SGCZ: variants seen among roughly 807,000 people sequenced by gnomAD.
SGCZ encodes the protein zeta-sarcoglycan.
In SGCZ, 40 loss-of-function variants were observed where a neutral mutation model predicts 41.3. The ratio of observed to expected loss-of-function variants is 0.97; its 90% CI spans 0.75 to 1.26. The LOEUF (loss-of-function observed/expected upper bound fraction) is 1.26, where lower values mean the gene tolerates loss of function less well. Among genes scored for constraint, SGCZ ranks in the 50% most tolerant of loss-of-function variants. The pLI is 0.00. For synonymous variants in SGCZ, 206 were observed against 137.5 expected, an observed-to-expected ratio of 1.50 and a Z score of -3.49; for missense variants, 552 against 369.8, an observed-to-expected ratio of 1.49 and a Z score of -4.04.
At chr8:15,177,977 C>A (rs1800050649) in intron 1 of SGCZ, among the ~76,000 whole-genome samples, 1 of 152,150 alleles carries the variant, frequency 6.6e-6, no homozygotes, top group Non-Finnish European at 1.5e-5. Context: ...AGAATAATTT[C>A]TATTTACCAC....
chr8:14,678,042 T>C (rs1040910074), intron 1 of SGCZ, among the ~76,000 whole-genome samples: 7 of 152,022 alleles, frequency 4.6e-5, no homozygotes, highest in African/African-American at 1.7e-4. Flanking sequence ...CAAAAATTAA[T>C]ACAAAATGGA....
chr8:14,658,419 C>A (rs778716519), intron 1 of SGCZ, among the ~76,000 whole-genome samples: 1 of 152,080 alleles, frequency 6.6e-6, no homozygotes, highest in Non-Finnish European at 1.5e-5. Context: ...GATCACTTTG[C>A]TCCGTGCTTT....
At chr8:14,835,915 T>C (rs1303859112) in intron 1 of SGCZ, among the ~76,000 whole-genome samples, 1 of 152,240 alleles carries the variant, frequency 6.6e-6, no homozygotes, top group Non-Finnish European at 1.5e-5. Context: ...TGAGTAATCA[T>C]CTATAAATTA....
At chr8:15,157,646 G>T (rs268416) in intron 1 of SGCZ, among the ~76,000 whole-genome samples, 91,741 of 151,798 alleles carry the variant, frequency 0.6, 28,978 homozygotes, top group East Asian at 0.79. Context: ...AAGTGAACAT[G>T]TCTTGTCTCT....
At position 15,085,771 on chromosome 8, in the gene SGCZ, C is replaced by G. The variant is rs531180500; in HGVS notation, c.39+151814G>C. ...CTACGCTAGATATGAATCCACCATT[C>G]TTCTGACAAGGGACTCCTGTCTACA... is the stretch of plus-strand genomic sequence containing the variant. On this transcript the variant is annotated intron_variant, in intron 1 of 7. Transcript: ENST00000382080. Among the ~76,000 whole-genome samples the G allele has an allele frequency of 2.6e-5, 4 of 152,122 alleles. No homozygotes were observed. In the East Asian group the frequency reaches 5.8e-4, roughly 22 times the overall value.
chr8:14,086,499 A>T lies in SGCZ; in HGVS notation c.*3944T>A, dbSNP rs1801526630. Among the ~76,000 whole-genome samples, 1 of 151,760 alleles carries T rather than the reference A, an allele frequency of 6.6e-6. No homozygotes were observed. The highest frequency in any genetic ancestry group is 6.6e-5 in the Admixed American group (1 of 15,190). On this transcript the variant is annotated 3_prime_UTR_variant, in exon 8 of 8. Transcript: ENST00000382080. ...AATGGAATAAAACAGTTCAGCAATTAACCTCTGTGATCACATTATCATTTC... is the reference window on the plus strand; with the variant it reads ...AATGGAATAAAACAGTTCAGCAATTTACCTCTGTGATCACATTATCATTTC...
chr8:15,117,665 A>T (rs1190419779), intron 1 of SGCZ, among the ~76,000 whole-genome samples: 1 of 152,208 alleles, frequency 6.6e-6, no homozygotes, highest in African/African-American at 2.4e-5. Context: ...AGCAACTTAT[A>T]TGCTACCAAA....
intron 2 of SGCZ, among the ~76,000 whole-genome samples, chr8:14,450,731 C>G (rs1800568614): frequency 6.6e-6 from 1 of 152,124 alleles, no homozygotes; most frequent in Non-Finnish European, 1.5e-5. Context: ...AAGCTCTCAT[C>G]TCTGTCATTA....
intron 1 of SGCZ, among the ~76,000 whole-genome samples, chr8:14,740,791 T>C (rs1799178196): frequency 6.6e-6 from 1 of 152,050 alleles, no homozygotes; most frequent in Non-Finnish European, 1.5e-5. Flanking sequence ...TTTCTCACCA[T>C]AATTTCTTTA....
At chr8:14,410,839 C>T (rs1259573277) in intron 2 of SGCZ, among the ~76,000 whole-genome samples, 1 of 152,102 alleles carries the variant, frequency 6.6e-6, no homozygotes, top group Non-Finnish European at 1.5e-5. Context: ...GCTTTCATTT[C>T]AACCACTCTT....
At chr8:15,031,902 CCTCTCT>C (rs751690018) in intron 1 of SGCZ, among the ~76,000 whole-genome samples, 106 of 130,838 alleles carry the variant, frequency 8.1e-4, no homozygotes, top group East Asian at 2.1e-3. Flanking sequence ...CCTCTATATT[CCTCTCT>C]CTCTCTCTCT....
chr8:15,235,965 A>C (rs1364080268), intron 1 of SGCZ, among the ~76,000 whole-genome samples: 3 of 152,116 alleles, frequency 2.0e-5, no homozygotes, highest in Non-Finnish European at 4.4e-5. Context: ...GCAAACATAA[A>C]GGCAATGTGT....
rs780649260 is a variant in SGCZ, at chr8:14,482,509, G to C, written c.234+72223C>G. On this transcript the variant is annotated intron_variant, in intron 2 of 7. Transcript: ENST00000382080. ...ATTTTGTTTTCTTATCTGTTAACAA[G>C]TATAACAACTTTGGAAGAGTCTTTT... Among the ~76,000 whole-genome samples, 29 of 152,194 alleles carry C rather than the reference G, an allele frequency of 1.9e-4. 1 individual carries two copies. Among genetic ancestry groups the C allele is most frequent in the South Asian group, 6.2e-4 (3 of 4,820 alleles).
chr8:14,837,458 G>T (rs1802738571), intron 1 of SGCZ, among the ~76,000 whole-genome samples: 1 of 152,154 alleles, frequency 6.6e-6, no homozygotes, highest in African/African-American at 2.4e-5. Flanking sequence ...GTGTAGAGTT[G>T]CTTGTAGGAA....
chr8:15,051,223 C>T (rs1292185617), intron 1 of SGCZ, among the ~76,000 whole-genome samples: 1 of 151,866 alleles, frequency 6.6e-6, no homozygotes, highest in East Asian at 1.9e-4. Flanking sequence ...GAAAGAGGCA[C>T]AAAGGGGTAA....
intron 2 of SGCZ, among the ~76,000 whole-genome samples, chr8:14,362,770 CTG>C (rs1803572253): frequency 6.6e-6 from 1 of 152,174 alleles, no homozygotes; most frequent in Non-Finnish European, 1.5e-5. Flanking sequence ...CACCCATCTT[CTG>C]TGTCTATCTC....
At chr8:14,977,632 A>T (rs939487198) in intron 1 of SGCZ, among the ~76,000 whole-genome samples, 6 of 152,150 alleles carry the variant, frequency 3.9e-5, no homozygotes, top group Admixed American at 2.6e-4. Flanking sequence ...AGGCTTAAAA[A>T]TATGCAAAAT....
chr8:14,142,264 T>C (rs2116927777), intron 5 of SGCZ, among the ~76,000 whole-genome samples: 1 of 152,098 alleles, frequency 6.6e-6, no homozygotes, highest in Non-Finnish European at 1.5e-5. Flanking sequence ...CATGTATACA[T>C]ATGTAGCATA....
intron 1 of SGCZ, among the ~76,000 whole-genome samples, chr8:14,669,715 C>G (rs969632129): frequency 6.6e-6 from 1 of 151,894 alleles, no homozygotes; most frequent in Non-Finnish European, 1.5e-5. Flanking sequence ...CACACACACA[C>G]ACACACACAC....
Sources: allele counts gnomAD v4.1 joint callset (sites outside exome capture counted in the v4.1 genomes callset), GRCh38; gene constraint gnomAD v4.1.1; transcripts MANE v1.5; gene names NCBI Gene and HGNC (gene_info 2026-07-23, HGNC 2026-07-21).